Variants in NTM observed in about 807,000 individuals in gnomAD.
NTM encodes neurotrimin, also known as IgLON family member 2.
In NTM, 13 loss-of-function variants were observed where a neutral mutation model predicts 42.1. The observed-to-expected ratio is 0.31, with a 90% CI of 0.20 to 0.49. The LOEUF is 0.49. Among genes scored for constraint, NTM ranks in the 20% least tolerant of loss-of-function variants. The pLI, the probability that NTM is intolerant of heterozygous loss-of-function variation, is 0.99. For synonymous variants in NTM, 187 were observed against 179.2 expected, an observed-to-expected ratio of 1.04 and a Z score of -0.35; for missense variants, 373 against 452.8, an observed-to-expected ratio of 0.82 and a Z score of 1.60.
chr11:132,278,789 T>C (rs562102110), intron 4 of NTM, among the ~76,000 whole-genome samples: 1 of 108,002 alleles, frequency 9.3e-6, no homozygotes, highest in Non-Finnish European at 2.1e-5. Flanking sequence ...CTCTCTTTAC[T>C]GCTTAAATGT....
chr11:132,310,718 GC>G (rs1217302361), intron 6 of NTM, among the ~76,000 whole-genome samples: 1 of 152,112 alleles, frequency 6.6e-6, no homozygotes, highest in Non-Finnish European at 1.5e-5. Flanking sequence ...ACCCAATTTA[GC>G]CCTCCCTTTG....
intron 3 of NTM, among the ~76,000 whole-genome samples, chr11:132,161,587 C>T (rs1050434039): frequency 6.6e-6 from 1 of 151,822 alleles, no homozygotes; most frequent in African/African-American, 2.4e-5. Flanking sequence ...CGGGCTCATG[C>T]GTCCTCCAAT....
chr11:131,919,784 T>C (rs2056958890), intron 2 of NTM, among the ~76,000 whole-genome samples: 2 of 152,170 alleles, frequency 1.3e-5, no homozygotes, highest in African/African-American at 4.8e-5. Flanking sequence ...GTGTATATAA[T>C]ATACACACAT....
intron 2 of NTM, among the ~76,000 whole-genome samples, chr11:131,916,447 C>T (rs914731868): frequency 2.6e-5 from 4 of 152,204 alleles, no homozygotes; most frequent in Admixed American, 1.3e-4. Context: ...ATAGGCTTAG[C>T]GATTGGATGA....
intron 1 of NTM, among the ~76,000 whole-genome samples, chr11:131,498,420 ACT>A (rs1374039612): frequency 6.6e-6 from 1 of 152,114 alleles, no homozygotes; most frequent in African/African-American, 2.4e-5. Context: ...ACTTTTTTGT[ACT>A]GTTACTTTAT....
chr11:132,178,359 A>G (rs1326120219), intron 3 of NTM, among the ~76,000 whole-genome samples: 2 of 152,256 alleles, frequency 1.3e-5, no homozygotes, highest in Non-Finnish European at 2.9e-5. Context: ...ATGCCATATA[A>G]GTAAACATAA....
At chr11:132,043,208 TG>T (rs144997678) in intron 2 of NTM, among the ~76,000 whole-genome samples, 2,336 of 152,332 alleles carry the variant, frequency 0.015, 57 homozygotes, top group African/African-American at 0.053. Context: ...TGCTTAGCTT[TG>T]GTTAGTCTTT....
chr11:131,858,041 G>GCCCATGCCTCA (rs1358521286), intron 1 of NTM, among the ~76,000 whole-genome samples: 9 of 142,646 alleles, frequency 6.3e-5, no homozygotes, highest in African/African-American at 2.1e-4. Context: ...CCTCCGCCCC[G>GCCCATGCCTCA]CCCATGCCTC....
At chr11:132,268,272 T>C (rs2093308910) in intron 4 of NTM, among the ~76,000 whole-genome samples, 1 of 152,186 alleles carries the variant, frequency 6.6e-6, no homozygotes, top group Admixed American at 6.6e-5. Flanking sequence ...AATTTTTAAG[T>C]CATGATGCCT....
chr11:131,396,321 G>T (rs745664895), intron 1 of NTM, among the ~76,000 whole-genome samples: 1 of 152,048 alleles, frequency 6.6e-6, no homozygotes, highest in Non-Finnish European at 1.5e-5. Context: ...TTTTAAAACC[G>T]ATCTCAGTGC....
chr11:131,982,057 C>G (rs1050975400), intron 2 of NTM, among the ~76,000 whole-genome samples: 1 of 151,474 alleles, frequency 6.6e-6, no homozygotes, highest in African/African-American at 2.4e-5. Flanking sequence ...CAAAAAAACC[C>G]ACAGAAAACA....
intron 1 of NTM, among the ~76,000 whole-genome samples, chr11:131,700,602 C>T (rs1592617184): frequency 6.6e-6 from 1 of 152,214 alleles, no homozygotes; most frequent in Admixed American, 6.5e-5. Context: ...CATATTAATC[C>T]ATTTAATCCT....
intron 4 of NTM, among the ~76,000 whole-genome samples, chr11:132,216,345 G>T (rs970456031): frequency 2.0e-5 from 3 of 152,154 alleles, no homozygotes; most frequent in African/African-American, 7.2e-5. Context: ...ATTCCTGAGA[G>T]CCCAAAATGA....
chr11:132,134,216 C>G (rs1189468678), intron 2 of NTM, among the ~76,000 whole-genome samples: 1 of 152,164 alleles, frequency 6.6e-6, no homozygotes, highest in East Asian at 1.9e-4. Context: ...AGCCACCGTG[C>G]CTGCCCCATA....
At chr11:131,517,271 T>C (rs893682652) in intron 1 of NTM, among the ~76,000 whole-genome samples, 17 of 152,160 alleles carry the variant, frequency 1.1e-4, no homozygotes, top group African/African-American at 4.1e-4. Context: ...TGTGGGAAAT[T>C]CAGAATCTGG....
chr11:132,163,153 A>G (rs960178631), intron 3 of NTM, among the ~76,000 whole-genome samples: 1 of 152,144 alleles, frequency 6.6e-6, no homozygotes, highest in South Asian at 2.1e-4. Context: ...CAAGCATCTC[A>G]GGAAAAAGGG....
rs146093520 is a variant in NTM, at chr11:131,984,013, C to T, written c.167+72365C>T. ...TTACTTGATCTACCTGCCTGTAGAGCCAAAGAAAAGGAATGTAACCTAATT... is the reference window on the plus strand; with the variant it reads ...TTACTTGATCTACCTGCCTGTAGAGTCAAAGAAAAGGAATGTAACCTAATT... On this transcript the variant is annotated intron_variant, in intron 2 of 8. Transcript: ENST00000683400. 2.0e-3 allele frequency among the ~76,000 whole-genome samples: 304 copies of T among 152,194 alleles called. 1 individual carries two copies. Among genetic ancestry groups the T allele is most frequent in the African/African-American group, 6.9e-3 (285 of 41,502 alleles).
intron 3 of NTM, among the ~76,000 whole-genome samples, chr11:132,201,208 C>T (rs4936161): frequency 0.046 from 6,936 of 152,226 alleles, 286 homozygotes; most frequent in East Asian, 0.12. Flanking sequence ...CACCCTCTAC[C>T]CATGAGTTTT....
intron 1 of NTM, among the ~76,000 whole-genome samples, chr11:131,801,133 A>G (rs895848292): frequency 3.9e-5 from 6 of 152,200 alleles, no homozygotes; most frequent in East Asian, 3.9e-4. Flanking sequence ...TCACCTCTGC[A>G]TCAAATCAAA....
Sources: gnomAD v4.1 joint callset for allele counts (sites outside exome capture counted in the v4.1 genomes callset) on GRCh38, gnomAD v4.1.1 for gene constraint, MANE v1.5 for transcripts, NCBI Gene and HGNC (gene_info 2026-07-23, HGNC 2026-07-21) for gene names.